Variants in CPED1 observed in about 807,000 individuals in gnomAD.
The protein encoded by CPED1 is cadherin-like and PC-esterase domain-containing protein 1.
In CPED1, 114 loss-of-function variants were observed where a neutral mutation model predicts 128.2. The ratio of observed to expected loss-of-function variants is 0.89; its 90% CI spans 0.76 to 1.04. The LOEUF (loss-of-function observed/expected upper bound fraction) is 1.04, where lower values mean the gene tolerates loss of function less well. Ranked by LOEUF, CPED1 falls within the 50% of genes least tolerant of loss-of-function variation. The pLI is 0.00. For synonymous variants in CPED1, 462 were observed against 426.7 expected (o/e 1.08, Z -1.02); for missense variants, 1,211 against 1,207.1 (o/e 1.00, Z -0.05).
chr7:121,275,299 T>C (rs1314563019), intron 22 of CPED1, among the ~76,000 whole-genome samples: 2 of 152,062 alleles, frequency 1.3e-5, no homozygotes, highest in African/African-American at 2.4e-5. Flanking sequence ...ATTTCCCAAC[T>C]GGTGTGCATC....
At chr7:121,174,008 A>G (rs1271732135) in intron 16 of CPED1, among the ~76,000 whole-genome samples, 1 of 151,648 alleles carries the variant, frequency 6.6e-6, no homozygotes, top group African/African-American at 2.4e-5. Flanking sequence ...TGTTCATTTG[A>G]TTGTTGGCTT....
intron 22 of CPED1, among the ~76,000 whole-genome samples, chr7:121,290,383 C>G (rs1792671840): frequency 6.6e-6 from 1 of 152,222 alleles, no homozygotes; most frequent in Non-Finnish European, 1.5e-5. Flanking sequence ...AATCACCACA[C>G]TGTCTTCCAC....
intron 4 of CPED1, among the ~76,000 whole-genome samples, chr7:121,053,258 C>T (rs143500825): frequency 9.2e-5 from 14 of 152,290 alleles, no homozygotes; most frequent in African/African-American, 3.4e-4. Flanking sequence ...AACCTATCTA[C>T]TACCCTTCAT....
At chr7:121,002,134 C>T (rs1791879401) in intron 2 of CPED1, among the ~76,000 whole-genome samples, 1 of 152,076 alleles carries the variant, frequency 6.6e-6, no homozygotes, top group Admixed American at 6.6e-5. Flanking sequence ...AATTGTGCTG[C>T]TACAATTGAG....
chr7:121,137,144 A>G (rs1169630045), intron 14 of CPED1, among the ~76,000 whole-genome samples: 2 of 151,628 alleles, frequency 1.3e-5, no homozygotes, highest in Non-Finnish European at 2.9e-5. Flanking sequence ...GCTGAAAAAA[A>G]GTATAGATTT....
At chr7:121,242,154 T>A (rs1798411359) in intron 17 of CPED1, among the ~76,000 whole-genome samples, 1 of 152,218 alleles carries the variant, frequency 6.6e-6, no homozygotes, top group Non-Finnish European at 1.5e-5. Context: ...TTTACTCCAT[T>A]ATGCATTACT....
intron 16 of CPED1, among the ~76,000 whole-genome samples, chr7:121,181,049 T>C (rs1796887835): frequency 6.6e-6 from 1 of 152,066 alleles, no homozygotes; most frequent in Non-Finnish European, 1.5e-5. Context: ...GTTCAAGAAA[T>C]AGTCAACAGT....
chr7:121,191,466 G>T (rs1778878879), intron 16 of CPED1, among the ~76,000 whole-genome samples: 1 of 152,106 alleles, frequency 6.6e-6, no homozygotes, highest in South Asian at 2.1e-4. Context: ...GAAACTTGGG[G>T]TTCTTTCTAT....
chr7:121,005,129 G>A (rs921002886), intron 2 of CPED1, among the ~76,000 whole-genome samples: 2 of 152,068 alleles, frequency 1.3e-5, no homozygotes, highest in African/African-American at 4.8e-5. Context: ...AAATTTTAAA[G>A]GCTTGTGTTC....
intron 18 of CPED1, among the ~76,000 whole-genome samples, chr7:121,248,594 C>CAAAAAAA (rs36015608): frequency 1.7e-5 from 2 of 118,452 alleles, no homozygotes; most frequent in African/African-American, 3.5e-5. Flanking sequence ...CCCTGTGAAA[C>CAAAAAAA]AAAAAAAAAA....
At chr7:121,154,470 T>C (rs1394529190) in intron 16 of CPED1, among the ~76,000 whole-genome samples, 1 of 152,120 alleles carries the variant, frequency 6.6e-6, no homozygotes, top group Non-Finnish European at 1.5e-5. Flanking sequence ...ATATTCATTC[T>C]ATATACATTT....
intron 11 of CPED1, among the ~76,000 whole-genome samples, chr7:121,128,843 C>T (rs953169107): frequency 6.6e-6 from 1 of 152,096 alleles, no homozygotes; most frequent in South Asian, 2.1e-4. Context: ...TTATTATCCC[C>T]TTGTTATTTC....
At chr7:120,990,452 G>A (rs1434955886) in intron 2 of CPED1, among the ~76,000 whole-genome samples, 4 of 151,688 alleles carry the variant, frequency 2.6e-5, no homozygotes, top group Non-Finnish European at 5.9e-5. Flanking sequence ...ATAGGATCAG[G>A]GAAATACAGA....
chr7:121,297,328 C>CCTAA lies in CPED1; in HGVS notation c.*1679_*1682dup, dbSNP rs1219557117. 6.6e-6 allele frequency: 1 copy of CCTAA among 151,940 alleles called. No individual in the cohort carries two copies. The highest frequency in any genetic ancestry group is 6.6e-5 in the Admixed American group (1 of 15,234). 9.4% of individuals were successfully genotyped at this position (151,940 alleles called of 1,614,324 possible). On this transcript the variant is annotated 3_prime_UTR_variant, in exon 23 of 23. Transcript: ENST00000310396. ...AGTATTTCATATAATTTTCTTTAGA[C>CCTAA]CTAACTGTTACCATCTGACTGAGGT...
chr7:121,042,652 C>T lies in CPED1; in HGVS notation c.434-4235C>T, dbSNP rs141594219. On this transcript the variant is annotated intron_variant, in intron 3 of 22. Coordinates refer to ENST00000310396, the MANE Select transcript of CPED1 (RefSeq NM_024913.5). The stretch of plus-strand genomic sequence containing the variant: ...CTCTTCCCACCACTAACTGGAACGG[C>T]GAAGTTGGGCAAGTTATTTAACCTT... Among the ~76,000 whole-genome samples the T allele has an allele frequency of 9.9e-5, 15 of 152,140 alleles. No individual in the cohort carries two copies. In the East Asian group the frequency reaches 2.1e-3, roughly 22 times the overall value.
chr7:121,102,496 C>A (rs147043701), intron 7 of CPED1, among the ~76,000 whole-genome samples: 50 of 152,156 alleles, frequency 3.3e-4, no homozygotes, highest in African/African-American at 1.1e-3. Context: ...GAATTTCACC[C>A]CCTAAACTCT....
Position 121,292,366 on chromosome 7 carries a change from G to A in CPED1, c.2869-3074G>A, listed in dbSNP as rs551290844. Reference sequence around the variant, plus strand: ...TCGTGCTGTGTTTTTCAGCTCCATCGGGTCATTTATGTTCTACTCTAAACT... The same window carrying A: ...TCGTGCTGTGTTTTTCAGCTCCATCAGGTCATTTATGTTCTACTCTAAACT... On this transcript the variant is annotated intron_variant, in intron 22 of 22. Transcript: ENST00000310396. 2.0e-4 allele frequency among the ~76,000 whole-genome samples: 30 copies of A among 151,594 alleles called. No individual in the cohort carries two copies. The South Asian group carries it at 4.0e-3, about 20-fold the overall frequency.
chr7:120,994,509 C>A (rs570072098), intron 2 of CPED1, among the ~76,000 whole-genome samples: 46 of 152,132 alleles, frequency 3.0e-4, no homozygotes, highest in African/African-American at 1.0e-3. Flanking sequence ...TGAGAAGGAA[C>A]TAGAGAGGGT....
At chr7:121,238,083 A>G (rs190589035) in intron 17 of CPED1, among the ~76,000 whole-genome samples, 28 of 152,332 alleles carry the variant, frequency 1.8e-4, no homozygotes, top group Non-Finnish European at 3.4e-4. Context: ...AAGTTCTTCA[A>G]CAAAAAGTTC....
Sources: allele counts gnomAD v4.1 joint callset (sites outside exome capture counted in the v4.1 genomes callset), GRCh38; gene constraint gnomAD v4.1.1; transcripts MANE v1.5; gene names NCBI Gene and HGNC (gene_info 2026-07-23, HGNC 2026-07-21).